The following ST6GAL1 variants were observed in gnomAD, a reference collection of about 807,000 sequenced individuals.
ST6GAL1 encodes the protein ST6 beta-galactoside alpha-2,6-sialyltransferase 1, also known as beta-galactoside alpha-2,6-sialyltransferase 1.
A neutral mutation model predicts 38.0 loss-of-function variants in ST6GAL1; 20 were observed. The observed-to-expected ratio is 0.53, with a 90% CI of 0.37 to 0.77. The LOEUF is 0.77. Among genes scored for constraint, ST6GAL1 ranks in the 30% least tolerant of loss-of-function variants. The probability of loss-of-function intolerance (pLI) is 0.00; values close to 1 mark genes in which losing one functional copy is unlikely to be tolerated. For synonymous variants in ST6GAL1, 196 were observed against 188.2 expected, an observed-to-expected ratio of 1.04 and a Z score of -0.34; for missense variants, 432 against 496.4, an observed-to-expected ratio of 0.87 and a Z score of 1.23.
At chr3:187,037,130 A>C (rs1717958743) in intron 2 of ST6GAL1, among the ~76,000 whole-genome samples, 1 of 152,166 alleles carries the variant, frequency 6.6e-6, no homozygotes, top group Non-Finnish European at 1.5e-5. Context: ...GAAGCTCTTA[A>C]TTCTATGGCC....
chr3:186,958,559 G>A (rs1334312172), intron 1 of ST6GAL1, among the ~76,000 whole-genome samples: 1 of 152,142 alleles, frequency 6.6e-6, no homozygotes, highest in Non-Finnish European at 1.5e-5. Flanking sequence ...ACAGAATTAG[G>A]GATATGGAGG....
intron 2 of ST6GAL1, among the ~76,000 whole-genome samples, chr3:187,035,388 A>G (rs1020381665): frequency 1.3e-5 from 2 of 152,248 alleles, no homozygotes; most frequent in Non-Finnish European, 2.9e-5. Flanking sequence ...TTTTCACAGA[A>G]CTAGAAAAAA....
intron 2 of ST6GAL1, among the ~76,000 whole-genome samples, chr3:187,022,603 CAGTT>C (rs1396960829): frequency 6.6e-6 from 1 of 152,068 alleles, no homozygotes; most frequent in Non-Finnish European, 1.5e-5. Context: ...GTCTGACTCT[CAGTT>C]AGAATCTCTC....
chr3:187,000,287 C>T (rs371727046), intron 2 of ST6GAL1, among the ~76,000 whole-genome samples: 2 of 151,924 alleles, frequency 1.3e-5, no homozygotes, highest in African/African-American at 2.4e-5. Flanking sequence ...TGGTGGCTCA[C>T]GTCTGTAATC....
chr3:186,980,766 CAAA>C (rs58623543), intron 2 of ST6GAL1, among the ~76,000 whole-genome samples: 40 of 121,400 alleles, frequency 3.3e-4, no homozygotes, highest in Admixed American at 8.3e-4. Flanking sequence ...GACTCCATCT[CAAA>C]AAAAAAAAAA....
intron 5 of ST6GAL1, among the ~76,000 whole-genome samples, chr3:187,068,865 G>A (rs1484713023): frequency 6.6e-6 from 1 of 152,186 alleles, no homozygotes; most frequent in Non-Finnish European, 1.5e-5. Flanking sequence ...TGTTTTCAGG[G>A]GAATAGGGTG....
At position 187,075,893 on chromosome 3, in the gene ST6GAL1, C is replaced by A; in HGVS notation, c.*90C>A. 1 of 1,550,136 alleles carries A rather than the reference C, an allele frequency of 6.5e-7. No homozygotes were observed. The highest frequency in any genetic ancestry group is 8.7e-7 in the Non-Finnish European group (1 of 1,149,460). Reference sequence around the variant, plus strand: ...GGAAGAACATTTTCCTGAACAATTCCAGCCTGCTCCTTTTACTCTAGGGGC... The same window carrying A: ...GGAAGAACATTTTCCTGAACAATTCAAGCCTGCTCCTTTTACTCTAGGGGC... On this transcript the variant is annotated 3_prime_UTR_variant, in exon 8 of 8. Transcript: ENST00000169298. This position sits in a 1 kb window ranked among gnomAD's most constrained non-coding sequence, Gnocchi z 4.1.
chr3:187,070,133 T>G (rs977094208), intron 5 of ST6GAL1, among the ~76,000 whole-genome samples: 1 of 152,212 alleles, frequency 6.6e-6, no homozygotes, highest in Non-Finnish European at 1.5e-5. Context: ...CACACTTGCT[T>G]ACATTCCATT....
At chr3:187,038,896 G>C (rs918715112) in intron 3 of ST6GAL1, 23 bp downstream of exon 3, 1 of 152,246 alleles carries the variant, frequency 6.6e-6, no homozygotes, top group Non-Finnish European at 1.5e-5. Context: ...CAGAGGCATG[G>C]GCTAGCAAAG....
intron 2 of ST6GAL1, among the ~76,000 whole-genome samples, chr3:187,027,292 A>C (rs1029246529): frequency 1.3e-5 from 2 of 152,146 alleles, no homozygotes; most frequent in Non-Finnish European, 2.9e-5. Flanking sequence ...ACTTCTCTGC[A>C]GATCTCACTT....
chr3:187,030,061 G>A (rs989772486), intron 2 of ST6GAL1, among the ~76,000 whole-genome samples: 2 of 152,152 alleles, frequency 1.3e-5, no homozygotes, highest in Admixed American at 6.6e-5. Context: ...ACAATCACTG[G>A]GGTAGAGGAG....
At chr3:187,051,183 G>A (rs374538292) in intron 4 of ST6GAL1, 66 bp from the exon 5 acceptor site, 90 of 1,398,456 alleles carry the variant, frequency 6.4e-5, no homozygotes, top group East Asian at 2.3e-4. Flanking sequence ...CCCGCCTCTC[G>A]TCTTTCTCTT....
chr3:186,955,206 T>C (rs1167179784), intron 1 of ST6GAL1, among the ~76,000 whole-genome samples: 1 of 152,212 alleles, frequency 6.6e-6, no homozygotes, highest in South Asian at 2.1e-4. Context: ...GTTTCTGTAC[T>C]AGTACCATGC....
intron 2 of ST6GAL1, among the ~76,000 whole-genome samples, chr3:186,996,374 A>C (rs141136764): frequency 6.6e-6 from 1 of 152,240 alleles, no homozygotes; most frequent in Non-Finnish European, 1.5e-5. Flanking sequence ...TGTTACCTAC[A>C]TGATGGCATA....
chr3:186,997,016 G>A (rs2108549985), intron 2 of ST6GAL1, among the ~76,000 whole-genome samples: 1 of 152,096 alleles, frequency 6.6e-6, no homozygotes, highest in South Asian at 2.1e-4. Context: ...TCTGTACACT[G>A]TGCTTTGGCT....
intron 2 of ST6GAL1, among the ~76,000 whole-genome samples, chr3:186,997,973 A>G (rs1344075503): frequency 6.6e-6 from 1 of 151,822 alleles, no homozygotes; most frequent in African/African-American, 2.4e-5. Flanking sequence ...GAGGCCGGGC[A>G]TGGTGGCTCG....
chr3:187,004,378 C>T (rs1716713793), intron 2 of ST6GAL1, among the ~76,000 whole-genome samples: 1 of 152,252 alleles, frequency 6.6e-6, no homozygotes, highest in Admixed American at 6.5e-5. Context: ...GCAGAGCCAG[C>T]CCCAGAGCCC....
intron 2 of ST6GAL1, among the ~76,000 whole-genome samples, chr3:187,026,985 C>T (rs1717561114): frequency 6.7e-6 from 1 of 150,118 alleles, no homozygotes; most frequent in Non-Finnish European, 1.5e-5. Flanking sequence ...GGAGGCAGAG[C>T]TTGCAGTGAG....
chr3:186,991,124 G>A (rs890898377), intron 2 of ST6GAL1, among the ~76,000 whole-genome samples: 13 of 152,160 alleles, frequency 8.5e-5, no homozygotes, highest in African/African-American at 3.1e-4. Context: ...GATAGCACCT[G>A]GCTAGTTGCC....
Sources: allele counts gnomAD v4.1 joint callset (sites outside exome capture counted in the v4.1 genomes callset), GRCh38; gene constraint gnomAD v4.1.1; non-coding constraint Gnocchi (gnomAD v3.1); transcripts MANE v1.5; gene names NCBI Gene and HGNC (gene_info 2026-07-23, HGNC 2026-07-21).